The following TUSC3 variants were observed in gnomAD, a reference collection of about 807,000 sequenced individuals.
The protein encoded by TUSC3 is dolichyl-diphosphooligosaccharide--protein glycosyltransferase subunit TUSC3.
TUSC3 carries 45 observed loss-of-function variants against 44.8 expected under a neutral mutation model. The observed-to-expected ratio is 1.00, with a 90% CI of 0.79 to 1.29. The LOEUF (loss-of-function observed/expected upper bound fraction) is 1.29, where lower values mean the gene tolerates loss of function less well. Ranked by LOEUF, TUSC3 falls within the 50% of genes most tolerant of loss-of-function variation. The pLI is 0.00. For missense variants in TUSC3, 519 were observed against 437.9 expected (o/e 1.19, Z -1.65); for synonymous variants, 212 against 152.9 (o/e 1.39, Z -2.85).
chr8:15,538,811 G>A (rs1801575088), upstream of TUSC3, among the ~76,000 whole-genome samples: 1 of 151,494 alleles, frequency 6.6e-6, no homozygotes, highest in Non-Finnish European at 1.5e-5. Flanking sequence ...ACAATTATAC[G>A]TATATATTCC....
chr8:15,787,936 C>G, the TUSC3 span, among the ~76,000 whole-genome samples: 3 of 152,180 alleles, frequency 2.0e-5, no homozygotes, highest in Non-Finnish European at 2.9e-5. Context: ...GTAGTCATAA[C>G]AGGTAAATTA....
At chr8:15,439,063 G>C (rs935629527) in intron 1 of TUSC3, among the ~76,000 whole-genome samples, 1 of 152,144 alleles carries the variant, frequency 6.6e-6, no homozygotes, top group East Asian at 1.9e-4. Flanking sequence ...CTATTTGACG[G>C]CACTGTGACC....
At chr8:15,471,119 G>A (rs1800487529) in intron 1 of TUSC3, among the ~76,000 whole-genome samples, 1 of 99,404 alleles carries the variant, frequency 1.0e-5, no homozygotes, top group South Asian at 3.3e-4. Flanking sequence ...CAGAGGAGGT[G>A]CAAACATTTC....
chr8:15,775,374 G>A, the TUSC3 span, among the ~76,000 whole-genome samples: 1 of 151,998 alleles, frequency 6.6e-6, no homozygotes, highest in Non-Finnish European at 1.5e-5. Context: ...ATTCTGGAGA[G>A]TGATGATGAT....
In TUSC3 at chr8:15,620,589, G is replaced by C. The variant is rs141309605; in HGVS notation, c.139-2491G>C. On this transcript the variant is annotated intron_variant, in intron 1 of 10. Coordinates refer to ENST00000503731, the MANE Select transcript of TUSC3 (RefSeq NM_006765.4). ...GATAACTAGAAGTGTACTACAAAAA[G>C]GAATTCAGTTAAACCAAGTTAAGAG... is the stretch of plus-strand genomic sequence containing the variant. 3.1e-3 allele frequency among the ~76,000 whole-genome samples: 470 copies of C among 152,234 alleles called. 2 individuals carry two copies. The highest frequency in any genetic ancestry group is 0.01 in the African/African-American group (419 of 41,528).
the TUSC3 span, among the ~76,000 whole-genome samples, chr8:15,818,684 G>T: frequency 6.6e-6 from 1 of 152,188 alleles, no homozygotes; most frequent in East Asian, 1.9e-4. Context: ...ACAAATGAAG[G>T]ACAATCATAA....
chr8:15,544,504 T>C (rs1227176976), intron 1 of TUSC3, among the ~76,000 whole-genome samples: 3 of 151,838 alleles, frequency 2.0e-5, no homozygotes, highest in African/African-American at 4.8e-5. Flanking sequence ...GCTCATGTTT[T>C]CTAAGCGATC....
chr8:15,425,480 G>T (rs1044178971), intron 1 of TUSC3, among the ~76,000 whole-genome samples: 3 of 152,196 alleles, frequency 2.0e-5, no homozygotes, highest in African/African-American at 4.8e-5. Context: ...CTTTATTGGG[G>T]TATAAGAAGA....
the TUSC3 span, among the ~76,000 whole-genome samples, chr8:15,792,420 A>C: frequency 6.6e-6 from 1 of 152,302 alleles, no homozygotes; most frequent in African/African-American, 2.4e-5. Flanking sequence ...TTTTTGAGAT[A>C]CAAACAGTGA....
At chr8:15,841,643 A>G in the TUSC3 span, among the ~76,000 whole-genome samples, 2 of 151,982 alleles carry the variant, frequency 1.3e-5, no homozygotes, top group African/African-American at 4.8e-5. Context: ...TGTCCTGAGT[A>G]GCTAGGATTA....
At chr8:15,501,344 A>C (rs956262572) in intron 2 of TUSC3, among the ~76,000 whole-genome samples, 1 of 152,166 alleles carries the variant, frequency 6.6e-6, no homozygotes, top group African/African-American at 2.4e-5. Flanking sequence ...AGTTTGGATC[A>C]ATTGTCCTGT....
chr8:15,693,420 T>TA (rs1809009204), intron 6 of TUSC3, among the ~76,000 whole-genome samples: 1 of 143,956 alleles, frequency 6.9e-6, no homozygotes, highest in African/African-American at 2.5e-5. Context: ...TGGCTGGATA[T>TA]AAAACTCTTG....
chr8:15,508,971 T>G (rs774639159), intron 2 of TUSC3, among the ~76,000 whole-genome samples: 2 of 152,194 alleles, frequency 1.3e-5, no homozygotes, highest in African/African-American at 2.4e-5. Flanking sequence ...CTGTCTCAGG[T>G]TCCAGAAGTT....
intron 2 of TUSC3, among the ~76,000 whole-genome samples, chr8:15,628,195 A>G (rs1050954924): frequency 2.0e-5 from 3 of 152,192 alleles, no homozygotes; most frequent in African/African-American, 7.2e-5. Flanking sequence ...AGTATAGTGA[A>G]GAAATATTTA....
the TUSC3 span, among the ~76,000 whole-genome samples, chr8:15,839,261 G>A: frequency 6.6e-6 from 1 of 152,168 alleles, no homozygotes; most frequent in South Asian, 2.1e-4. Flanking sequence ...ATTTTGGGCT[G>A]AGATGATGGG....
chr8:15,511,244 G>C, intron 2 of TUSC3, among the ~76,000 whole-genome samples: 1 of 151,954 alleles, frequency 6.6e-6, no homozygotes, highest in Non-Finnish European at 1.5e-5. Flanking sequence ...TCCAGTAGAA[G>C]GAGGGAGGAA....
At chr8:15,816,563 G>A in the TUSC3 span, among the ~76,000 whole-genome samples, 1 of 152,232 alleles carries the variant, frequency 6.6e-6, no homozygotes, top group South Asian at 2.1e-4. Flanking sequence ...GGGAATTTCT[G>A]GACTTTATTG....
intron 1 of TUSC3, among the ~76,000 whole-genome samples, chr8:15,453,534 A>G (rs1800219422): frequency 6.6e-6 from 1 of 152,220 alleles, no homozygotes; most frequent in Non-Finnish European, 1.5e-5. Context: ...AGCATTTATC[A>G]AATCACTTTC....
At position 15,702,210 on chromosome 8, in the gene TUSC3, T is replaced by C. The variant is rs577563569; in HGVS notation, c.798+28374T>C. ...CTCTTAAAAGACTTTTCATAGGTACTTCAGATGGAAGAGACTCTAATGTTA... is the reference window on the plus strand; with the variant it reads ...CTCTTAAAAGACTTTTCATAGGTACCTCAGATGGAAGAGACTCTAATGTTA... On this transcript the variant is annotated intron_variant, in intron 6 of 10. Transcript: ENST00000503731. Among the ~76,000 whole-genome samples the C allele has an allele frequency of 4.6e-5, 7 of 152,228 alleles. No individual in the cohort carries two copies. The South Asian group carries it at 1.2e-3, about 27-fold the overall frequency.
Sources: allele counts gnomAD v4.1 joint callset (sites outside exome capture counted in the v4.1 genomes callset), GRCh38; gene constraint gnomAD v4.1.1; transcripts MANE v1.5; gene names NCBI Gene and HGNC (gene_info 2026-07-23, HGNC 2026-07-21).